NUP205: variants seen among roughly 807,000 people sequenced by gnomAD.
NUP205 encodes the protein nuclear pore complex protein Nup205.
Under a neutral mutation model 253.8 loss-of-function variants are expected in NUP205, and 76 were observed. The observed-to-expected ratio is 0.30, with a 90% CI of 0.25 to 0.36. NUP205 has a LOEUF of 0.36. Ranked by LOEUF, NUP205 falls within the 10% of genes least tolerant of loss-of-function variation. The pLI, the probability that NUP205 is intolerant of heterozygous loss-of-function variation, is 1.00. For synonymous variants in NUP205, 832 were observed against 850.1 expected, an observed-to-expected ratio of 0.98 and a Z score of 0.37; for missense variants, 2,162 against 2,425.5, an observed-to-expected ratio of 0.89 and a Z score of 2.28.
In NUP205 at chr7:135,619,443, G is replaced by C. The variant is rs181055416; in HGVS notation, c.3984G>C (p.Ala1328=). The C allele has an allele frequency of 1.2e-6, 2 of 1,612,856 alleles. No individual in the cohort carries two copies. Among genetic ancestry groups the C allele is most frequent in the Non-Finnish European group, 1.7e-6 (2 of 1,179,988 alleles). Residue 1328 remains alanine (A), a synonymous_variant, in exon 29 of 43, where the codon GCG becomes GCC. Coordinates refer to ENST00000285968, the MANE Select transcript of NUP205 (RefSeq NM_015135.3). ...VHDKILDDEA[A]QELMPVVAGA... is the part of the protein sequence containing the mutation. ...TTAAGATACTGGATGATGAAGCTGC[G>C]CAAGAGTTAATGCCTGTGGTCGCCG...
In NUP205 at chr7:135,616,710, T is replaced by G; in HGVS notation, c.3516T>G (p.Phe1172Leu). The G allele has an allele frequency of 6.4e-7, 1 of 1,565,474 alleles. No individual in the cohort carries two copies. The highest frequency in any genetic ancestry group is 8.6e-7 in the Non-Finnish European group (1 of 1,159,076). ...ENRSVSGFLH[F>L]DTATKVRRKI... Reference sequence around the variant, plus strand: ...GGTCTGTTTCTGGGTTCCTTCACTTTGACACTGCTACAAAAGGTAATGCCC... The same window carrying G: ...GGTCTGTTTCTGGGTTCCTTCACTTGGACACTGCTACAAAAGGTAATGCCC... The change falls in exon 25 of 43, where the codon TTT becomes TTG. Residue 1172 changes from phenylalanine to leucine, a missense_variant. Transcript: ENST00000285968.
intron 42 of NUP205, 133 bp downstream of exon 42, chr7:135,646,364 A>G: frequency 2.9e-6 from 2 of 687,700 alleles, no homozygotes; most frequent in Non-Finnish European, 5.0e-6. Context: ...GGAGTTTGAG[A>G]GCAGTCTGGG....
intron 22 of NUP205, among the ~76,000 whole-genome samples, chr7:135,613,481 A>G (rs1794286404): frequency 6.6e-6 from 1 of 151,420 alleles, no homozygotes; most frequent in South Asian, 2.1e-4. Flanking sequence ...TGTAACTCTT[A>G]TGGTTCTCAG....
intron 1 of NUP205, among the ~76,000 whole-genome samples, chr7:135,567,592 C>A (rs757598188): frequency 4.0e-5 from 6 of 151,516 alleles, no homozygotes; most frequent in Non-Finnish European, 5.9e-5. Flanking sequence ...GCCTGGGTGA[C>A]AAAGTGAGAC....
chr7:135,587,529 GTACAA>G, intron 8 of NUP205, 41 bp from the exon 9 acceptor site: 1 of 1,139,150 alleles, frequency 8.8e-7, no homozygotes, highest in South Asian at 1.5e-5. Flanking sequence ...TTATTAGCAT[GTACAA>G]TACATTTACA....
At chr7:135,623,036 C>T (rs897243146) in intron 31 of NUP205, 111 bp downstream of exon 31, 5 of 1,091,138 alleles carry the variant, frequency 4.6e-6, no homozygotes, top group East Asian at 5.2e-5. Flanking sequence ...TCAGTGCTTT[C>T]GAAGGCCAAG....
At chr7:135,581,251 A>G (rs185709444) in intron 7 of NUP205, among the ~76,000 whole-genome samples, 70 of 152,352 alleles carry the variant, frequency 4.6e-4, no homozygotes, top group African/African-American at 1.5e-3. Flanking sequence ...ATTATTCTAT[A>G]AAAGGCATGA....
chr7:135,616,196 A>G lies in NUP205; in HGVS notation c.3460+131A>G, dbSNP rs531721536. ...CTCACTTTTAGAATTTTTTTTTCTT[A>G]AAACACAAAAATTTTAACTCATCTT... is the stretch of plus-strand genomic sequence containing the variant. On this transcript the variant is annotated intron_variant, in intron 24 of 42. Transcript: ENST00000285968. The G allele has an allele frequency of 2.5e-4, 188 of 747,472 alleles. 1 individual carries two copies. The highest frequency in any genetic ancestry group is 3.7e-4 in the Non-Finnish European group (183 of 488,102). The allele number at this position is 747,472 out of a possible 1,614,324, so 46.3% of individuals were successfully genotyped here.
At chr7:135,606,496 A>G (rs569776841) in intron 20 of NUP205, among the ~76,000 whole-genome samples, 4 of 152,314 alleles carry the variant, frequency 2.6e-5, no homozygotes, top group African/African-American at 9.6e-5. Flanking sequence ...GTATAATGCA[A>G]ATATTCTAAA....
Position 135,618,559 on chromosome 7 carries a change from C to T in NUP205, c.3919C>T (p.Arg1307Ter). 6.2e-7 allele frequency: 1 copy of T among 1,611,650 alleles called. No individual in the cohort carries two copies. The highest frequency in any genetic ancestry group is 8.5e-7 in the Non-Finnish European group (1 of 1,178,898). Reference sequence around the variant, plus strand: ...CCAGGACCTCATTCAGGCAGAGGATCGACAACTGATTATTCGTGATATTTT... The same window carrying T: ...CCAGGACCTCATTCAGGCAGAGGATTGACAACTGATTATTCGTGATATTTT... ...CPQDLIQAEDRQLIIRDILQD... is the reference protein window; with the variant it reads ...CPQDLIQAED Residue 1307 changes from arginine (R) to a stop codon, truncating the protein, a stop_gained, in exon 28 of 43, where the codon CGA becomes TGA. Transcript: ENST00000285968. LOFTEE classifies it high-confidence loss of function.
At chr7:135,563,808 C>T (rs1805663695) in intron 1 of NUP205, among the ~76,000 whole-genome samples, 1 of 151,890 alleles carries the variant, frequency 6.6e-6, no homozygotes, top group South Asian at 2.1e-4. Flanking sequence ...AACATAGCAA[C>T]ATCCCAGTTC....
At chr7:135,592,787 T>C (rs1806662822) in intron 11 of NUP205, among the ~76,000 whole-genome samples, 200 bp from the exon 12 acceptor site, 1 of 152,124 alleles carries the variant, frequency 6.6e-6, no homozygotes, top group Non-Finnish European at 1.5e-5. Flanking sequence ...CTTGGGAGGT[T>C]GAGACAGGAG....
intron 33 of NUP205, among the ~76,000 whole-genome samples, chr7:135,627,154 A>G (rs1794608732): frequency 6.6e-6 from 1 of 151,886 alleles, no homozygotes; most frequent in African/African-American, 2.4e-5. Flanking sequence ...CCTGTCTCTT[A>G]TTTTCTTATT....
intron 32 of NUP205, 54 bp downstream of exon 32, chr7:135,625,409 A>G (rs1794570403): frequency 6.0e-6 from 8 of 1,324,902 alleles, no homozygotes; most frequent in Middle Eastern, 2.0e-4. Flanking sequence ...TCTCTTGGCT[A>G]TAGATGTATT....
In NUP205 at chr7:135,612,942, G is replaced by A. The variant is rs73158988; in HGVS notation, c.3196-1217G>A. 5.7e-3 allele frequency among the ~76,000 whole-genome samples: 874 copies of A among 152,048 alleles called. 6 individuals are homozygous for A. Among genetic ancestry groups the A allele is most frequent in the Middle Eastern group, 0.031 (9 of 294 alleles). On this transcript the variant is annotated intron_variant, in intron 22 of 42. Transcript: ENST00000285968. ...TCTAATAAATGTTCATATTAGCCAC[G>A]CATGGTGGCATGCAATTACTGTAGT...
At position 135,630,528 on chromosome 7, in the gene NUP205, A is replaced by G; in HGVS notation, c.5059+58A>G. On this transcript the variant is annotated intron_variant, in intron 35 of 42. Transcript: ENST00000285968. ...ATTCTTTAAAGACTGACATAAATTA[A>G]TAGAATGAGTTTTTTTGTTACTTTG... 3 of 1,491,938 alleles carry G rather than the reference A, an allele frequency of 2.0e-6. No individual in the cohort carries two copies. In the South Asian group the frequency reaches 3.8e-5, roughly 19 times the overall value. 92.4% of individuals were successfully genotyped at this position (1,491,938 alleles called of 1,614,324 possible).
chr7:135,591,349 G>T (rs1806623933), intron 10 of NUP205, 101 bp from the exon 11 acceptor site: 4 of 962,056 alleles, frequency 4.2e-6, no homozygotes, highest in Non-Finnish European at 1.6e-6. Flanking sequence ...GGTTAAGTCA[G>T]AGCACTACTT....
intron 39 of NUP205, among the ~76,000 whole-genome samples, chr7:135,643,712 A>G (rs1794957861): frequency 6.6e-6 from 1 of 152,148 alleles, no homozygotes; most frequent in Non-Finnish European, 1.5e-5. Context: ...CAGCATCTTC[A>G]ATATCTGTTT....
rs747206177 is a variant in NUP205 at position 135,619,302 on chromosome 7, ACTG to A, written c.3964-119_3964-117del. On this transcript the variant is annotated intron_variant, in intron 28 of 42. Transcript: ENST00000285968. ...GGCTGAAGTGAGCTGAGATTATGCT[ACTG>A]CACTCCAGCCTCGGTGACAGAGCGA... 155 of 1,009,946 alleles carry A rather than the reference ACTG, an allele frequency of 1.5e-4. 1 individual carries two copies. The highest frequency in any genetic ancestry group is 3.4e-4 in the Admixed American group (15 of 43,738). 62.6% of individuals were successfully genotyped at this position (1,009,946 alleles called of 1,614,324 possible).
Sources: gnomAD v4.1 joint callset for allele counts (sites outside exome capture counted in the v4.1 genomes callset) on GRCh38, gnomAD v4.1.1 for gene constraint, MANE v1.5 for transcripts, NCBI Gene and HGNC (gene_info 2026-07-23, HGNC 2026-07-21) for gene names.